NPAS3: variants seen among roughly 807,000 people sequenced by gnomAD.
NPAS3 encodes neuronal PAS domain protein 3, also known as neuronal PAS domain-containing protein 3.
Under a neutral mutation model 73.1 loss-of-function variants are expected in NPAS3, and 14 were observed. The ratio of observed to expected loss-of-function variants is 0.19; its 90% CI spans 0.13 to 0.30. The LOEUF (loss-of-function observed/expected upper bound fraction) is 0.30. NPAS3 is among the 10% of genes least tolerant of loss of function. The pLI, the probability that NPAS3 is intolerant of heterozygous loss-of-function variation, is 1.00. For synonymous variants in NPAS3, 620 were observed against 541.5 expected (o/e 1.14, Z -2.01); for missense variants, 1,096 against 1,250.0 (o/e 0.88, Z 1.86).
chr14:33,489,995 T>A (rs1376429331), intron 4 of NPAS3, among the ~76,000 whole-genome samples: 2 of 152,188 alleles, frequency 1.3e-5, no homozygotes, highest in Non-Finnish European at 2.9e-5. Flanking sequence ...AGAAATGCAT[T>A]GTTTTCACTA....
intron 3 of NPAS3, among the ~76,000 whole-genome samples, chr14:33,306,210 A>G (rs55764913): frequency 0.33 from 49,502 of 151,842 alleles, 8,416 homozygotes; most frequent in Non-Finnish European, 0.39. Flanking sequence ...GGTTATTTTT[A>G]TCTCTTTCTA....
At chr14:33,676,276 G>A (rs779351802) in exon 6 of NPAS3, 102 of 1,613,660 alleles carry the variant, frequency 6.3e-5, no homozygotes, top group Middle Eastern at 1.6e-4. Flanking sequence ...AGATGGCTGA[G>A]CAGCTGGGCA....
chr14:33,368,460 A>G lies in NPAS3; in HGVS notation c.468+1192A>G, dbSNP rs544353254. On this transcript the variant is annotated intron_variant, in intron 4 of 11. Transcript: ENST00000356141. ...ACCTAGACCTACTAAATCAGAGTTT[A>G]TAGGGTAAAGTCCAGGAATTTGTGG... 1.1e-4 allele frequency among the ~76,000 whole-genome samples: 17 copies of G among 152,284 alleles called. No individual in the cohort carries two copies. In the South Asian group the frequency reaches 3.1e-3, roughly 28 times the overall value.
chr14:33,011,562 T>TC (rs1555321673), intron 1 of NPAS3, among the ~76,000 whole-genome samples: 2 of 151,706 alleles, frequency 1.3e-5, no homozygotes, highest in African/African-American at 2.4e-5. Flanking sequence ...TTTTTTTTTT[T>TC]CCTCATCAAT....
At chr14:33,483,196 T>C (rs2051413881) in intron 4 of NPAS3, among the ~76,000 whole-genome samples, 1 of 152,180 alleles carries the variant, frequency 6.6e-6, no homozygotes, top group African/African-American at 2.4e-5. Flanking sequence ...AACTTCAGCG[T>C]AACTTAGAAA....
At chr14:33,254,254 A>G (rs182076031) in intron 3 of NPAS3, among the ~76,000 whole-genome samples, 22 of 152,022 alleles carry the variant, frequency 1.4e-4, no homozygotes, top group Admixed American at 4.6e-4. Flanking sequence ...ATCTGTTAGG[A>G]TTTCTGTCCT....
intron 4 of NPAS3, among the ~76,000 whole-genome samples, chr14:33,401,814 C>T (rs2047457037): frequency 6.6e-6 from 1 of 152,032 alleles, no homozygotes; most frequent in Admixed American, 6.6e-5. Flanking sequence ...CTGCCTAACA[C>T]CCATCCAAAG....
At chr14:33,730,858 T>C (rs1450410194) in intron 6 of NPAS3, among the ~76,000 whole-genome samples, 1 of 152,224 alleles carries the variant, frequency 6.6e-6, no homozygotes, top group East Asian at 1.9e-4. Flanking sequence ...TAAAGTCATT[T>C]TGGATAATTG....
chr14:33,087,485 T>A (rs899503084), intron 2 of NPAS3, among the ~76,000 whole-genome samples: 1 of 152,006 alleles, frequency 6.6e-6, no homozygotes, highest in Non-Finnish European at 1.5e-5. Context: ...GTATCTCACC[T>A]CACTGCACTA....
chr14:33,773,416 C>T (rs1046217918), intron 7 of NPAS3, among the ~76,000 whole-genome samples: 1 of 152,136 alleles, frequency 6.6e-6, no homozygotes, highest in African/African-American at 2.4e-5. Context: ...TGTGCACGCA[C>T]ACCCCCACCC....
At chr14:33,510,809 T>G (rs1028348778) in intron 4 of NPAS3, among the ~76,000 whole-genome samples, 1 of 152,076 alleles carries the variant, frequency 6.6e-6, no homozygotes, top group Non-Finnish European at 1.5e-5. Context: ...TATTAAGATA[T>G]TTAGAAAGTT....
chr14:33,423,907 C>T (rs11622370), intron 4 of NPAS3, among the ~76,000 whole-genome samples: 23,657 of 151,836 alleles, frequency 0.16, 2,137 homozygotes, highest in Admixed American at 0.26. Context: ...CTCCTTCATT[C>T]CCTCCATTTT....
chr14:33,781,961 A>G (rs1008818761), intron 9 of NPAS3, among the ~76,000 whole-genome samples: 2 of 152,240 alleles, frequency 1.3e-5, no homozygotes, highest in African/African-American at 4.8e-5. Context: ...TCTTCCACTA[A>G]GTTAACATGA....
intron 4 of NPAS3, among the ~76,000 whole-genome samples, chr14:33,471,307 C>T (rs528278963): frequency 6.1e-4 from 93 of 152,342 alleles, no homozygotes; most frequent in African/African-American, 1.9e-3. Flanking sequence ...ACTCCTTATT[C>T]ACCGCTTTTT....
intron 2 of NPAS3, among the ~76,000 whole-genome samples, chr14:33,066,085 T>A (rs767622687): frequency 6.6e-6 from 1 of 152,074 alleles, no homozygotes; most frequent in Non-Finnish European, 1.5e-5. Context: ...CTTGTTCACT[T>A]CCAGGGGAAG....
intron 4 of NPAS3, among the ~76,000 whole-genome samples, chr14:33,371,349 G>T (rs765461298): frequency 6.6e-6 from 1 of 152,228 alleles, no homozygotes; most frequent in Non-Finnish European, 1.5e-5. Flanking sequence ...GTAAAGAAAG[G>T]GTGGGAAATG....
intron 6 of NPAS3, among the ~76,000 whole-genome samples, chr14:33,704,483 C>A (rs1360194075): frequency 2.0e-5 from 3 of 152,106 alleles, no homozygotes; most frequent in African/African-American, 7.2e-5. Flanking sequence ...GTAGAAAAAT[C>A]TCAAATATAA....
intron 3 of NPAS3, among the ~76,000 whole-genome samples, chr14:33,226,499 GT>G (rs1397212253): frequency 6.6e-6 from 1 of 152,100 alleles, no homozygotes; most frequent in East Asian, 1.9e-4. Flanking sequence ...ATCTAACCTA[GT>G]TTTTTGCGGG....
chr14:33,523,198 A>T (rs186485488), intron 4 of NPAS3, among the ~76,000 whole-genome samples: 87 of 152,278 alleles, frequency 5.7e-4, no homozygotes, highest in Admixed American at 2.2e-3. Context: ...AGTGATTCAG[A>T]GGAGGAAGCA....
Sources: allele counts gnomAD v4.1 joint callset (sites outside exome capture counted in the v4.1 genomes callset), GRCh38; gene constraint gnomAD v4.1.1; transcripts MANE v1.5; gene names NCBI Gene and HGNC (gene_info 2026-07-23, HGNC 2026-07-21).